Variants in LEF1 observed in about 807,000 individuals in gnomAD.
LEF1 encodes the protein lymphoid enhancer binding factor 1.
In LEF1, 14 loss-of-function variants were observed where a neutral mutation model predicts 51.2. That is an observed-to-expected ratio of 0.27 (90% CI 0.18 to 0.43). The LOEUF (loss-of-function observed/expected upper bound fraction) is 0.43. LEF1 is among the 20% of genes least tolerant of loss of function. The pLI, the probability that LEF1 is intolerant of heterozygous loss-of-function variation, is 1.00. For missense variants in LEF1, 386 were observed against 512.0 expected, an observed-to-expected ratio of 0.75 and a Z score of 2.37; for synonymous variants, 185 against 183.2, an observed-to-expected ratio of 1.01 and a Z score of -0.08.
intron 3 of LEF1, among the ~76,000 whole-genome samples, chr4:108,151,500 A>G (rs149574483): frequency 7.7e-4 from 117 of 152,286 alleles, no homozygotes; most frequent in Middle Eastern, 3.4e-3. Flanking sequence ...TCAATCTGGT[A>G]CCACTACTTA....
chr4:108,154,443 C>CAAAA (rs10672899), intron 3 of LEF1, among the ~76,000 whole-genome samples: 1,932 of 71,780 alleles, frequency 0.027, 157 homozygotes, highest in East Asian at 0.077. Flanking sequence ...AAGGTAGTAG[C>CAAAA]AAAAAAAAAA....
chr4:108,074,585 A>G (rs1336606321), intron 8 of LEF1, among the ~76,000 whole-genome samples: 2 of 152,232 alleles, frequency 1.3e-5, no homozygotes, highest in African/African-American at 4.8e-5. Flanking sequence ...TAAGAACTCA[A>G]ATTATCCCAG....
chr4:108,146,954 A>T (rs1426611471), intron 3 of LEF1, among the ~76,000 whole-genome samples: 1 of 152,150 alleles, frequency 6.6e-6, no homozygotes, highest in Non-Finnish European at 1.5e-5. Context: ...TCTACACAAC[A>T]GTCCTTTGTT....
chr4:108,112,671 G>C (rs1363430179), intron 3 of LEF1, among the ~76,000 whole-genome samples: 1 of 152,152 alleles, frequency 6.6e-6, no homozygotes, highest in African/African-American at 2.4e-5. Context: ...AATGATTTCT[G>C]GCTCGTAATG....
chr4:108,063,558 T>C, intron 11 of LEF1, 65 bp downstream of exon 11: 1 of 1,249,922 alleles, frequency 8.0e-7, no homozygotes. Context: ...GCAAGAAGAT[T>C]CACAAGCAAG....
intron 4 of LEF1, among the ~76,000 whole-genome samples, chr4:108,088,168 C>T (rs1739771807): frequency 6.6e-6 from 1 of 152,118 alleles, no homozygotes; most frequent in Admixed American, 6.5e-5. Flanking sequence ...GAAGTGTTCA[C>T]CAGTAGTGGA....
chr4:108,106,603 T>G (rs1350207937), intron 3 of LEF1, among the ~76,000 whole-genome samples: 1 of 152,094 alleles, frequency 6.6e-6, no homozygotes, highest in East Asian at 1.9e-4. Context: ...GCAACACAAG[T>G]TATAAAGTGA....
At position 108,070,701 on chromosome 4, in the gene LEF1, T is replaced by C; in HGVS notation, c.1078A>G (p.Met360Val). The change falls in exon 9 of 12, where the codon ATG becomes GTG. Residue 360 changes from methionine to valine, a missense_variant. Transcript: ENST00000265165. The stretch of plus-strand genomic sequence containing the variant: ...GCAGACCAGCCTGGATAAAGCTGCA[T>C]ATGTAGCTGTCTTTCTTTCCGTGCT... ...ELARKERQLH[M>V]QLYPGWSARD... 6.2e-7 allele frequency: 1 copy of C among 1,614,062 alleles called. No individual in the cohort carries two copies. Among genetic ancestry groups the C allele is most frequent in the Non-Finnish European group, 8.5e-7 (1 of 1,179,946 alleles).
intron 10 of LEF1, 82 bp from the exon 11 acceptor site, chr4:108,063,745 T>G (rs1737858257): frequency 1.1e-6 from 1 of 905,908 alleles, no homozygotes; most frequent in Non-Finnish European, 1.7e-6. Context: ...CAATATCATG[T>G]GAACTTGTTT....
At chr4:108,129,273 A>G (rs1742724646) in intron 3 of LEF1, among the ~76,000 whole-genome samples, 1 of 152,194 alleles carries the variant, frequency 6.6e-6, no homozygotes, top group Admixed American at 6.5e-5. Context: ...TAGTCAACCA[A>G]ATCACTAGAA....
chr4:108,065,444 A>ACTGGGCCACAGAGTGAGC (rs576727739), intron 9 of LEF1, among the ~76,000 whole-genome samples: 1 of 152,202 alleles, frequency 6.6e-6, no homozygotes, highest in East Asian at 1.9e-4. Flanking sequence ...GGATTGCTCC[A>ACTGGGCCACAGAGTGAGC]CTGGGCCACA....
At position 108,109,128 on chromosome 4, in the gene LEF1, G is replaced by A. The variant is rs73839833; in HGVS notation, c.415-19871C>T. ...GAAGCTACTTATCTGCTGTGGGCATGCAATCTTTAGGCATATTTCAGTTAG... is the reference window on the plus strand; with the variant it reads ...GAAGCTACTTATCTGCTGTGGGCATACAATCTTTAGGCATATTTCAGTTAG... On this transcript the variant is annotated intron_variant, in intron 3 of 11. Coordinates refer to ENST00000265165, the MANE Select transcript of LEF1 (RefSeq NM_016269.5). 7.7e-3 allele frequency among the ~76,000 whole-genome samples: 1,176 copies of A among 152,332 alleles called. 11 individuals are homozygous for A. The highest frequency in any genetic ancestry group is 0.027 in the African/African-American group (1,121 of 41,568).
chr4:108,166,770 C>G (rs1745425460), intron 1 of LEF1: 1 of 987,074 alleles, frequency 1.0e-6, no homozygotes, highest in South Asian at 4.7e-5. Flanking sequence ...GATTTAAGGC[C>G]TGATCCGGTC....
chr4:108,123,639 T>C (rs1742326179), intron 3 of LEF1, among the ~76,000 whole-genome samples: 1 of 151,936 alleles, frequency 6.6e-6, no homozygotes, highest in African/African-American at 2.4e-5. Flanking sequence ...ACTTTACAGA[T>C]TGGATATGTG....
chr4:108,093,277 T>C (rs1162459449), intron 3 of LEF1, among the ~76,000 whole-genome samples: 1 of 152,056 alleles, frequency 6.6e-6, no homozygotes, highest in Non-Finnish European at 1.5e-5. Context: ...GAATCAGCAG[T>C]AGAAAAGTTC....
intron 1 of LEF1, chr4:108,166,374 G>A: frequency 6.8e-7 from 1 of 1,476,548 alleles, no homozygotes. Flanking sequence ...TCTTTTTGGG[G>A]GTAGAAAGAT....
chr4:108,141,623 A>G (rs1428839513), intron 3 of LEF1, among the ~76,000 whole-genome samples: 3 of 152,130 alleles, frequency 2.0e-5, no homozygotes, highest in African/African-American at 7.2e-5. Flanking sequence ...CTCTCCATCT[A>G]GGAGGAGGCA....
intron 4 of LEF1, among the ~76,000 whole-genome samples, chr4:108,087,520 T>C (rs1187321473): frequency 6.6e-6 from 1 of 152,022 alleles, no homozygotes; most frequent in African/African-American, 2.4e-5. Context: ...AGAGAAACTA[T>C]AAGCGTAACT....
At chr4:108,081,817 C>T (rs1739326287) in intron 5 of LEF1, 148 bp from the exon 6 acceptor site, 11 of 627,574 alleles carry the variant, frequency 1.8e-5, no homozygotes, top group Non-Finnish European at 2.6e-5. Flanking sequence ...GAAACGTAAC[C>T]GTTCCCCTTC....
Sources: allele counts gnomAD v4.1 joint callset (sites outside exome capture counted in the v4.1 genomes callset), GRCh38; gene constraint gnomAD v4.1.1; transcripts MANE v1.5; gene names NCBI Gene and HGNC (gene_info 2026-07-23, HGNC 2026-07-21).